The following FRMD4A variants were observed in gnomAD, a reference collection of about 807,000 sequenced individuals.
The protein encoded by FRMD4A is FERM domain containing 4A.
Under a neutral mutation model 129.1 loss-of-function variants are expected in FRMD4A, and 29 were observed. That is an observed-to-expected ratio of 0.22 (90% confidence interval 0.17 to 0.31). The LOEUF (loss-of-function observed/expected upper bound fraction) is 0.31, where lower values mean the gene tolerates loss of function less well. Among genes scored for constraint, FRMD4A ranks in the 10% least tolerant of loss-of-function variants. The pLI is 1.00. For missense variants in FRMD4A, 1,272 were observed against 1,375.8 expected, an observed-to-expected ratio of 0.92 and a Z score of 1.19; for synonymous variants, 634 against 571.6, an observed-to-expected ratio of 1.11 and a Z score of -1.56.
At chr10:14,174,530 G>GTTCATTCA (rs1564363160) in intron 2 of FRMD4A, among the ~76,000 whole-genome samples, 1 of 117,090 alleles carries the variant, frequency 8.5e-6, no homozygotes, top group African/African-American at 3.4e-5. Context: ...TGTTGCGTTT[G>GTTCATTCA]TTCGTTCATT....
At chr10:13,968,972 G>C (rs550027990) in intron 2 of FRMD4A, among the ~76,000 whole-genome samples, 2 of 152,304 alleles carry the variant, frequency 1.3e-5, no homozygotes, top group Admixed American at 1.3e-4. Flanking sequence ...ATGAAGAATG[G>C]AAAATGGCCC....
At chr10:13,938,408 A>AT (rs1183974140) in intron 2 of FRMD4A, among the ~76,000 whole-genome samples, 1 of 151,888 alleles carries the variant, frequency 6.6e-6, no homozygotes, top group African/African-American at 2.4e-5. Context: ...TGCCTGGCTA[A>AT]TTTTTTGTAT....
At chr10:13,837,570 A>T (rs530819280) in intron 3 of FRMD4A, among the ~76,000 whole-genome samples, 75 of 152,346 alleles carry the variant, frequency 4.9e-4, no homozygotes, top group African/African-American at 1.8e-3. Flanking sequence ...TTTTTCTAAC[A>T]GTTGGCCAGA....
chr10:14,122,124 A>G (rs1838559562), intron 2 of FRMD4A, among the ~76,000 whole-genome samples: 1 of 152,220 alleles, frequency 6.6e-6, no homozygotes, highest in South Asian at 2.1e-4. Context: ...TAACCTCTCT[A>G]AGCTGCATTG....
chr10:14,181,285 C>CT lies in FRMD4A; in HGVS notation c.45+148772dup, dbSNP rs1345577572. 1.1e-4 allele frequency among the ~76,000 whole-genome samples: 17 copies of CT among 151,992 alleles called. No homozygotes were observed. In the East Asian group the frequency reaches 1.5e-3, roughly 14 times the overall value. ...TGAAAAGAGGTATTTCCACTTTTTT[C>CT]TTTTTTTTGTTTTTTTCCTTAAGGT... On this transcript the variant is annotated intron_variant, in intron 2 of 24. Coordinates refer to ENST00000357447, the MANE Select transcript of FRMD4A (RefSeq NM_018027.5).
At chr10:13,737,745 C>A (rs2090725741) in intron 12 of FRMD4A, 99 bp downstream of exon 12, 2 of 695,678 alleles carry the variant, frequency 2.9e-6, no homozygotes, top group East Asian at 2.7e-5. Flanking sequence ...GATTGGTGAG[C>A]CTTTAGGCTG....
intron 2 of FRMD4A, among the ~76,000 whole-genome samples, chr10:14,175,581 G>A (rs1384076390): frequency 6.8e-6 from 1 of 147,808 alleles, no homozygotes; most frequent in Admixed American, 6.8e-5. Context: ...CAGTACAGTG[G>A]TGCAATGATG....
At chr10:14,182,039 C>T (rs527840730) in intron 2 of FRMD4A, among the ~76,000 whole-genome samples, 16 of 152,280 alleles carry the variant, frequency 1.1e-4, no homozygotes, top group African/African-American at 2.9e-4. Flanking sequence ...AGGATTGTCA[C>T]GACTTGGACA....
intron 2 of FRMD4A, among the ~76,000 whole-genome samples, chr10:14,126,169 C>CTT (rs55649566): frequency 0.02 from 2,472 of 122,342 alleles, 131 homozygotes; most frequent in African/African-American, 0.055. Context: ...ACCTTGCCCA[C>CTT]TTTTTTTTTT....
intron 2 of FRMD4A, among the ~76,000 whole-genome samples, chr10:14,195,246 T>C (rs1426061496): frequency 6.6e-6 from 1 of 152,152 alleles, no homozygotes; most frequent in Admixed American, 6.5e-5. Context: ...TTTAAGGATA[T>C]TACCTGTTAT....
In FRMD4A at chr10:14,329,560, A is replaced by G. The variant is rs11259011; in HGVS notation, c.45+498T>C. Among the ~76,000 whole-genome samples the G allele has an allele frequency of 2.2e-4, 33 of 152,346 alleles. 1 individual carries two copies. The East Asian group carries it at 5.8e-3, about 27-fold the overall frequency. The stretch of plus-strand genomic sequence containing the variant: ...AAGCTGCTCCCAACTCAGTAGCCCA[A>G]GCATCACTGAAGCCACAGTGAACCT... On this transcript the variant is annotated intron_variant, in intron 2 of 24. Coordinates refer to ENST00000357447, the MANE Select transcript of FRMD4A (RefSeq NM_018027.5).
In FRMD4A at chr10:14,026,401, C is replaced by T. The variant is rs908205222; in HGVS notation, c.46-167489G>A. ...ATTATTTCAAAAGCAGATTTGGAGT[C>T]TTGTCAGATGAGTTTAGCTTGACAG... On this transcript the variant is annotated intron_variant, in intron 2 of 24. Coordinates refer to ENST00000357447, the MANE Select transcript of FRMD4A (RefSeq NM_018027.5). 1.1e-4 allele frequency among the ~76,000 whole-genome samples: 16 copies of T among 152,300 alleles called. 1 individual carries two copies. In the East Asian group the frequency reaches 2.3e-3, roughly 22 times the overall value.
rs1230464584 is a variant in FRMD4A, at chr10:13,656,530, C to T, written c.2953+106G>A. ...CCAGAATTAATTAATGATTCCCGTT[C>T]CTCACTGCACCCAGTCCTAAGGGTA... On this transcript the variant is annotated intron_variant, in intron 22 of 24. Coordinates refer to ENST00000357447, the MANE Select transcript of FRMD4A (RefSeq NM_018027.5). The T allele has an allele frequency of 1.1e-5, 13 of 1,214,638 alleles. No homozygotes were observed. The Admixed American group carries it at 4.5e-4, about 42-fold the overall frequency. 75.2% of individuals were successfully genotyped at this position (1,214,638 alleles called of 1,614,324 possible). A position where few individuals can be genotyped will look rare whatever the true frequency, so the allele number is the denominator to read the frequency against.
chr10:13,726,078 G>C (rs994948977), intron 12 of FRMD4A, among the ~76,000 whole-genome samples: 1 of 152,066 alleles, frequency 6.6e-6, no homozygotes, highest in African/African-American at 2.4e-5. Flanking sequence ...TCTTCTTTGG[G>C]GGCCTGGGCA....
intron 2 of FRMD4A, among the ~76,000 whole-genome samples, chr10:13,896,450 A>G (rs556372946): frequency 5.9e-5 from 9 of 152,318 alleles, no homozygotes; most frequent in African/African-American, 2.2e-4. Context: ...GTTCTCACTC[A>G]TAAGTGGGAG....
At chr10:13,890,954 G>A in intron 2 of FRMD4A, 2 of 656,012 alleles carry the variant, frequency 3.0e-6, no homozygotes, top group Non-Finnish European at 1.9e-6. Flanking sequence ...GCACCAAGTC[G>A]CTCGTTACGC....
chr10:14,194,833 C>A (rs1008069361), intron 2 of FRMD4A, among the ~76,000 whole-genome samples: 23 of 151,738 alleles, frequency 1.5e-4, no homozygotes, highest in African/African-American at 5.6e-4. Context: ...ATATCACATT[C>A]ATTTATGTAA....
At chr10:14,006,313 C>T (rs934152874) in intron 2 of FRMD4A, among the ~76,000 whole-genome samples, 4 of 152,270 alleles carry the variant, frequency 2.6e-5, no homozygotes, top group African/African-American at 4.8e-5. Flanking sequence ...GCCCATGTAA[C>T]GGTGGGGTGT....
chr10:13,849,397 C>G lies in FRMD4A; in HGVS notation c.111+9450G>C, dbSNP rs7907362. Among the ~76,000 whole-genome samples the G allele has an allele frequency of 2.5e-3, 386 of 152,226 alleles. 1 individual carries two copies. Among genetic ancestry groups the G allele is most frequent in the African/African-American group, 8.9e-3 (368 of 41,528 alleles). The stretch of plus-strand genomic sequence containing the variant: ...TGCCCACACTACTCAGTTGGGAAGA[C>G]ACGGAATCAACTCCATATTCTCTGC... On this transcript the variant is annotated intron_variant, in intron 3 of 24. Coordinates refer to ENST00000357447, the MANE Select transcript of FRMD4A (RefSeq NM_018027.5).
Sources: allele counts gnomAD v4.1 joint callset (sites outside exome capture counted in the v4.1 genomes callset), GRCh38; gene constraint gnomAD v4.1.1; transcripts MANE v1.5; gene names NCBI Gene and HGNC (gene_info 2026-07-23, HGNC 2026-07-21).